Variants in LIX1L observed in about 807,000 individuals in gnomAD.
LIX1L encodes the protein LIX1-like protein.
Under a neutral mutation model 34.0 loss-of-function variants are expected in LIX1L, and 20 were observed. That is an observed-to-expected ratio of 0.59 (90% CI 0.41 to 0.85). The LOEUF is 0.85. Among genes scored for constraint, LIX1L ranks in the 40% least tolerant of loss-of-function variants. The pLI is 0.00. For missense variants in LIX1L, 397 were observed against 447.0 expected, an observed-to-expected ratio of 0.89 and a Z score of 1.01; for synonymous variants, 170 against 187.4, an observed-to-expected ratio of 0.91 and a Z score of 0.76.
intron 3 of LIX1L, among the ~76,000 whole-genome samples, chr1:145,941,512 CAAAGTGCTGGG>C (rs1553758648): frequency 1.3e-5 from 2 of 152,094 alleles, no homozygotes; most frequent in South Asian, 4.1e-4. Flanking sequence ...CTCAGCCTCC[CAAAGTGCTGGG>C]ATTACAGGCA....
chr1:145,936,474 C>T lies in LIX1L; in HGVS notation c.850G>A (p.Glu284Lys), dbSNP rs1553757829. ...GACAGTGCCCCCGGCACACTCTGCT[C>T]CCGGCTCACCCAGTCCAAGGCCATT... ...HQMALDWVSR[E>K]QSVPGALSRE... is the part of the protein sequence containing the mutation. The change falls in exon 6 of 6, where the codon GAG becomes AAG. Residue 284 changes from glutamate to lysine, a missense_variant. Physicochemically the swap from Glu to Lys is moderately conservative, Grantham distance 56 (BLOSUM62 1). This residue lies in a region of LIX1L where 174 missense variants were observed against 204.0 expected (regional missense o/e 0.85). Coordinates refer to ENST00000604000, the MANE Select transcript of LIX1L (RefSeq NM_153713.3). 6.2e-7 allele frequency: 1 copy of T among 1,614,216 alleles called. No homozygotes were observed. The highest frequency in any genetic ancestry group is 1.7e-5 in the Admixed American group (1 of 60,028).
intron 1 of LIX1L, among the ~76,000 whole-genome samples, chr1:145,956,318 G>T (rs1470275986): frequency 1.3e-5 from 2 of 151,940 alleles, no homozygotes; most frequent in Non-Finnish European, 2.9e-5. Context: ...GGAATTTTTG[G>T]GTTTACATTA....
Position 145,942,817 on chromosome 1 carries a change from C to G in LIX1L, c.493G>C (p.Ala165Pro). 1 of 1,614,084 alleles carries G rather than the reference C, an allele frequency of 6.2e-7. No homozygotes were observed. The highest frequency in any genetic ancestry group is 8.5e-7 in the Non-Finnish European group (1 of 1,179,950). Residue 165 changes from alanine to proline, a missense_variant, in exon 3 of 6, where the codon GCA (alanine) becomes CCA (proline). By Grantham distance (27) the Ala-to-Pro change is conservative. This residue lies in a region of LIX1L where 16 missense variants were observed against 37.8 expected (regional missense o/e 0.42). Transcript: ENST00000604000. ...PTKAEARRSAAKIALMNSVFN... is the reference protein window; with the variant it reads ...PTKAEARRSAPKIALMNSVFN... ...ACAGAATTCATTAGCGCAATCTTTG[C>G]AGCACTCCTCCGGGCCTCAGCTTTT...
intron 1 of LIX1L, among the ~76,000 whole-genome samples, chr1:145,955,653 A>T (rs1031720810): frequency 1.4e-4 from 21 of 152,354 alleles, no homozygotes; most frequent in Non-Finnish European, 2.5e-4. Context: ...CCAAATGGGC[A>T]GAGATTCTGC....
intron 3 of LIX1L, among the ~76,000 whole-genome samples, chr1:145,939,555 C>T (rs964418030): frequency 1.3e-4 from 19 of 151,984 alleles, no homozygotes; most frequent in Non-Finnish European, 2.4e-4. Context: ...GATCTGCTCA[C>T]CTCAGCCTTC....
At chr1:145,941,118 T>C (rs1227116883) in intron 3 of LIX1L, 2 of 152,194 alleles carry the variant, frequency 1.3e-5, no homozygotes, top group African/African-American at 2.4e-5. Flanking sequence ...GCAGATGCTG[T>C]TGACTGGGGC....
At chr1:145,950,416 G>GC (rs1218391932) in intron 1 of LIX1L, 1 of 152,154 alleles carries the variant, frequency 6.6e-6, no homozygotes, top group African/African-American at 2.4e-5. Context: ...TCACTCTGTC[G>GC]CCCAGACCGG....
chr1:145,940,119 C>A (rs1648841124), intron 3 of LIX1L: 1 of 152,124 alleles, frequency 6.6e-6, no homozygotes, highest in Admixed American at 6.6e-5. Context: ...GCGCCCGCCA[C>A]CACACCCAGC....
At chr1:145,955,248 G>A (rs1649431293) in intron 1 of LIX1L, among the ~76,000 whole-genome samples, 1 of 152,206 alleles carries the variant, frequency 6.6e-6, no homozygotes, top group African/African-American at 2.4e-5. Flanking sequence ...ATACTGAGCT[G>A]TGTGTGTATC....
At chr1:145,951,871 C>G (rs1649310562) in intron 1 of LIX1L, among the ~76,000 whole-genome samples, 1 of 152,176 alleles carries the variant, frequency 6.6e-6, no homozygotes, top group Non-Finnish European at 1.5e-5. Context: ...GTTAAACATT[C>G]CTTTGCACAG....
intron 3 of LIX1L, 70 bp downstream of exon 3, chr1:145,942,643 A>C: frequency 7.1e-7 from 1 of 1,416,910 alleles, no homozygotes; most frequent in South Asian, 1.2e-5. Flanking sequence ...TTTCACAGTA[A>C]TTTACGACTT....
chr1:145,957,156 GGTAA>G (rs1410116630), intron 1 of LIX1L, among the ~76,000 whole-genome samples: 1 of 152,174 alleles, frequency 6.6e-6, no homozygotes. Flanking sequence ...TCAGAGTGAA[GGTAA>G]GTAAGTAAAG....
rs782600289 is a variant in LIX1L at position 145,937,001 on chromosome 1, A to AT, written c.694-17_694-16insA. ...TCATTAGCTCCTGGGGGAAGAGGAT[A>AT]GGAAGTACCAGGACAGTGATTTTTA... On this transcript the variant is annotated splice_polypyrimidine_tract_variant and intron_variant, in intron 4 of 5. Transcript: ENST00000604000. 1.3e-6 allele frequency: 2 copies of AT among 1,549,114 alleles called. No homozygotes were observed. The highest frequency in any genetic ancestry group is 2.2e-5 in the South Asian group (2 of 89,724).
At position 145,957,854 on chromosome 1, in the gene LIX1L, C is replaced by G. The variant is rs1443646129; in HGVS notation, c.74G>C (p.Arg25Pro). 1 of 1,451,088 alleles carries G rather than the reference C, an allele frequency of 6.9e-7. No homozygotes were observed. The highest frequency in any genetic ancestry group is 1.5e-5 in the African/African-American group (1 of 68,118). 89.9% of individuals were successfully genotyped at this position (1,451,088 alleles called of 1,614,324 possible). The change falls in exon 1 of 6, where the codon CGG (arginine) becomes CCG (proline). Residue 25 changes from arginine to proline, a missense_variant. This residue lies in a region of LIX1L where 207 missense variants were observed against 205.2 expected (regional missense o/e 1.01). Coordinates refer to ENST00000604000, the MANE Select transcript of LIX1L (RefSeq NM_153713.3). ...TSGRGTLRAL[R>P]PGVTGAAAAT... Reference sequence around the variant, plus strand: ...GGCCGCGGCCCCAGTCACTCCGGGCCGCAGCGCTCGGAGAGTGCCCCTCCC... The same window carrying G: ...GGCCGCGGCCCCAGTCACTCCGGGCGGCAGCGCTCGGAGAGTGCCCCTCCC...
chr1:145,937,507 C>T (rs1382298961), intron 4 of LIX1L, 97 bp downstream of exon 4: 1 of 725,332 alleles, frequency 1.4e-6, no homozygotes, highest in Non-Finnish European at 2.4e-6. Context: ...TCTTTCTTTT[C>T]CAGTATCAAT....
intron 2 of LIX1L, 154 bp downstream of exon 2, chr1:145,947,465 A>G: frequency 2.7e-6 from 2 of 745,246 alleles, no homozygotes; most frequent in South Asian, 3.8e-5. Context: ...ACTATGGTCA[A>G]ATTGGCCTCA....
chr1:145,943,816 A>G (rs1346405002), intron 2 of LIX1L, among the ~76,000 whole-genome samples: 1 of 151,820 alleles, frequency 6.6e-6, no homozygotes, highest in African/African-American at 2.4e-5. Flanking sequence ...CAGGAGGATC[A>G]TTTGAGCCCA....
chr1:145,957,790 C>T lies in LIX1L; in HGVS notation c.138G>A (p.Pro46=). The T allele has an allele frequency of 3.0e-6, 4 of 1,334,738 alleles. No homozygotes were observed. In the South Asian group the frequency reaches 8.0e-5, roughly 27 times the overall value. The allele number at this position is 1,334,738 out of a possible 1,614,324, so 82.7% of individuals were successfully genotyped here. A position where few individuals can be genotyped will look rare whatever the true frequency, so the allele number is the denominator to read the frequency against. ...ATPPAGPPPA[P]PPPAPPPPPL... is the part of the protein sequence containing the mutation. ...GCGGCGGGGGCGGTGCGGGAGGCGG[C>T]GGGGCAGGCGGGGGGCCCGCAGGGG... The change falls in exon 1 of 6, where the codon CCG becomes CCA. Residue 46 remains proline (P), a synonymous_variant. Coordinates refer to ENST00000604000, the MANE Select transcript of LIX1L (RefSeq NM_153713.3).
chr1:145,943,867 T>G (rs1278454359), intron 2 of LIX1L, among the ~76,000 whole-genome samples: 1 of 146,472 alleles, frequency 6.8e-6, no homozygotes, highest in Admixed American at 6.8e-5. Flanking sequence ...AAGACCCCTG[T>G]CTCTACCAAA....
Sources: allele counts gnomAD v4.1 joint callset (sites outside exome capture counted in the v4.1 genomes callset), GRCh38; gene constraint gnomAD v4.1.1; regional missense constraint gnomAD v4.1.1; transcripts MANE v1.5; gene names NCBI Gene and HGNC (gene_info 2026-07-23, HGNC 2026-07-21).